The following VAC14 variants were observed in gnomAD, a reference collection of about 807,000 sequenced individuals.
VAC14 encodes protein VAC14 homolog.
A neutral mutation model predicts 85.3 loss-of-function variants in VAC14; 47 were observed. That is an observed-to-expected ratio of 0.55 (90% CI 0.44 to 0.70). The LOEUF (loss-of-function observed/expected upper bound fraction) is 0.70, where lower values mean the gene tolerates loss of function less well. Ranked by LOEUF, VAC14 falls within the 30% of genes least tolerant of loss-of-function variation. The pLI, the probability that VAC14 is intolerant of heterozygous loss-of-function variation, is 0.00. For synonymous variants in VAC14, 447 were observed against 430.5 expected, an observed-to-expected ratio of 1.04 and a Z score of -0.47; for missense variants, 861 against 1,004.3, an observed-to-expected ratio of 0.86 and a Z score of 1.93.
intron 12 of VAC14, among the ~76,000 whole-genome samples, chr16:70,755,681 C>A (rs577696250): frequency 6.6e-6 from 1 of 152,366 alleles, no homozygotes; most frequent in East Asian, 1.9e-4. Flanking sequence ...TCTCCTCCCA[C>A]TGATACGAGG....
chr16:70,766,425 C>G (rs2032818589), intron 10 of VAC14: 1 of 453,292 alleles, frequency 2.2e-6, no homozygotes, highest in South Asian at 1.6e-5. Flanking sequence ...TATTAACATT[C>G]TCCAACTTTC....
intron 13 of VAC14, among the ~76,000 whole-genome samples, chr16:70,742,181 TGAG>T (rs1341545313): frequency 6.6e-6 from 1 of 152,158 alleles, no homozygotes; most frequent in Non-Finnish European, 1.5e-5. Flanking sequence ...GCTGCCACTT[TGAG>T]GAGGAGAGAA....
chr16:70,763,019 T>G lies in VAC14; in HGVS notation c.1167A>C (p.Glu389Asp). The G allele has an allele frequency of 1.2e-6, 2 of 1,614,194 alleles. No individual in the cohort carries two copies. The highest frequency in any genetic ancestry group is 2.2e-5 in the East Asian group (1 of 44,874). Residue 389 changes from glutamate to aspartate, a missense_variant, in exon 11 of 19, where the codon GAA (glutamate) becomes GAC (aspartate). This residue lies in a region of VAC14 where 629 missense variants were observed against 703.1 expected (regional missense o/e 0.89). Coordinates refer to ENST00000261776, the MANE Select transcript of VAC14 (RefSeq NM_018052.5). ...GISVFTAASTERAPVTLHLDG... is the reference protein window; with the variant it reads ...GISVFTAASTDRAPVTLHLDG... ...CGAGGTGAAGGGTCACTGGGGCTCTTTCAGTGCTGTGGGTAAGATCGGGAG... is the reference window on the plus strand; with the variant it reads ...CGAGGTGAAGGGTCACTGGGGCTCTGTCAGTGCTGTGGGTAAGATCGGGAG...
chr16:70,796,794 C>G (rs1033567969), intron 1 of VAC14, among the ~76,000 whole-genome samples: 2 of 152,168 alleles, frequency 1.3e-5, no homozygotes, highest in African/African-American at 4.8e-5. Context: ...CTGAACAGTC[C>G]CCCAACCCCC....
intron 14 of VAC14, among the ~76,000 whole-genome samples, chr16:70,721,905 ACTCT>A (rs1310221060): frequency 6.6e-6 from 1 of 151,196 alleles, no homozygotes; most frequent in Non-Finnish European, 1.5e-5. Context: ...TCAGGCCATC[ACTCT>A]CTCTTTCCCC....
At chr16:70,788,901 C>T (rs1434037457) in intron 1 of VAC14, among the ~76,000 whole-genome samples, 1 of 152,244 alleles carries the variant, frequency 6.6e-6, no homozygotes, top group Non-Finnish European at 1.5e-5. Context: ...ACCACACTTC[C>T]CTGCTAAGTG....
chr16:70,739,080 T>C (rs911963240), intron 13 of VAC14, among the ~76,000 whole-genome samples: 7 of 152,180 alleles, frequency 4.6e-5, no homozygotes, highest in Admixed American at 3.3e-4. Flanking sequence ...AAAGGCCCCC[T>C]TCACATGCAG....
intron 1 of VAC14, among the ~76,000 whole-genome samples, chr16:70,787,827 G>A (rs2034139852): frequency 1.3e-5 from 2 of 152,350 alleles, no homozygotes; most frequent in East Asian, 1.9e-4. Flanking sequence ...GGCTGCTGGT[G>A]GTAACTGGGG....
At chr16:70,754,493 C>A (rs2031664754) in intron 12 of VAC14, among the ~76,000 whole-genome samples, 2 of 152,292 alleles carry the variant, frequency 1.3e-5, no homozygotes, top group Admixed American at 1.3e-4. Context: ...TGGCGGTGGC[C>A]CTTCTCCCTG....
chr16:70,800,204 T>A (rs1179213969), intron 1 of VAC14, among the ~76,000 whole-genome samples: 1 of 152,236 alleles, frequency 6.6e-6, no homozygotes, highest in Non-Finnish European at 1.5e-5. Flanking sequence ...AAATATCAGA[T>A]CATTGTTACA....
chr16:70,692,764 C>G, intron 18 of VAC14, 57 bp downstream of exon 18: 1 of 1,560,852 alleles, frequency 6.4e-7, no homozygotes, highest in Non-Finnish European at 8.6e-7. Context: ...TCACCAGGCT[C>G]CTCTGGGCCT....
intron 14 of VAC14, among the ~76,000 whole-genome samples, chr16:70,705,892 G>A (rs947610706): frequency 3.3e-5 from 5 of 152,220 alleles, no homozygotes; most frequent in African/African-American, 1.2e-4. Flanking sequence ...CCCCATGAGA[G>A]GCAAGAGTGT....
intron 18 of VAC14, chr16:70,689,586 A>C: frequency 1.0e-6 from 1 of 985,582 alleles, no homozygotes; most frequent in Non-Finnish European, 1.2e-6. Context: ...CTGCCTGCCC[A>C]CACCTGTTCC....
chr16:70,778,503 G>C (rs977927182), intron 9 of VAC14: 4 of 152,006 alleles, frequency 2.6e-5, no homozygotes, highest in African/African-American at 4.8e-5. Context: ...TGTTCAACTA[G>C]GTAGTTTTTA....
At chr16:70,746,869 G>C (rs914303094) in intron 12 of VAC14, among the ~76,000 whole-genome samples, 2 of 152,100 alleles carry the variant, frequency 1.3e-5, no homozygotes, top group African/African-American at 4.8e-5. Flanking sequence ...AAATGGAGGT[G>C]GGGGGAGGAT....
At position 70,687,703 on chromosome 16, in the gene VAC14, C is replaced by T; in HGVS notation, c.*225G>A. ...TATAGCCCCCCACTGGGTGGGCAGC[C>T]AGCTCTGTGAGAATGCCAGGGTGCA... On this transcript the variant is annotated 3_prime_UTR_variant, in exon 19 of 19. Transcript: ENST00000261776. 1 of 422,490 alleles carries T rather than the reference C, an allele frequency of 2.4e-6. No homozygotes were observed. The highest frequency in any genetic ancestry group is 4.0e-6 in the Non-Finnish European group (1 of 249,360). The allele number at this position is 422,490 out of a possible 1,614,324, so 26.2% of individuals were successfully genotyped here.
chr16:70,794,017 G>A (rs1397102175), intron 1 of VAC14, among the ~76,000 whole-genome samples: 1 of 152,126 alleles, frequency 6.6e-6, no homozygotes, highest in Non-Finnish European at 1.5e-5. Context: ...AAACTACAAA[G>A]GAGAAGCAAG....
intron 1 of VAC14, among the ~76,000 whole-genome samples, chr16:70,787,745 G>A (rs2034134925): frequency 1.3e-5 from 2 of 152,206 alleles, no homozygotes; most frequent in African/African-American, 4.8e-5. Context: ...AAGGAACCCT[G>A]GTAGCAGAGG....
Position 70,697,269 on chromosome 16 carries a change from C to G in VAC14, c.1837-12G>C, listed in dbSNP as rs146435604. On this transcript the variant is annotated splice_polypyrimidine_tract_variant and intron_variant, in intron 15 of 18. Coordinates refer to ENST00000261776, the MANE Select transcript of VAC14 (RefSeq NM_018052.5). The stretch of plus-strand genomic sequence containing the variant: ...AGGTTCTGGCTCTCCTGTGGGGGAA[C>G]AGGCATGAGCCGTGAGGACACGCCT... 7 of 1,609,838 alleles carry G rather than the reference C, an allele frequency of 4.3e-6. No individual in the cohort carries two copies. The highest frequency in any genetic ancestry group is 3.3e-5 in the Admixed American group (2 of 59,966).
Sources: gnomAD v4.1 joint callset for allele counts (sites outside exome capture counted in the v4.1 genomes callset) on GRCh38, gnomAD v4.1.1 for gene constraint, gnomAD v4.1.1 regional missense constraint, MANE v1.5 for transcripts, NCBI Gene and HGNC (gene_info 2026-07-23, HGNC 2026-07-21) for gene names.